The following FLT1 variants were observed in gnomAD, a reference collection of about 807,000 sequenced individuals.
FLT1 encodes fms related receptor tyrosine kinase 1.
A neutral mutation model predicts 156.3 loss-of-function variants in FLT1; 49 were observed. The ratio of observed to expected loss-of-function variants is 0.31; its 90% CI spans 0.25 to 0.40. The LOEUF is 0.40. FLT1 is among the 10% of genes least tolerant of loss of function. The probability of loss-of-function intolerance (pLI) is 1.00; values close to 1 mark genes in which losing one functional copy is unlikely to be tolerated. For synonymous variants in FLT1, 594 were observed against 583.8 expected (o/e 1.02, Z -0.25); for missense variants, 1,322 against 1,637.2 (o/e 0.81, Z 3.32).
intron 14 of FLT1, among the ~76,000 whole-genome samples, chr13:28,372,048 G>GTGTGTATA (rs1288888215): frequency 2.4e-4 from 18 of 75,568 alleles, no homozygotes; most frequent in Middle Eastern, 7.6e-3. Flanking sequence ...GTGTGTGTGT[G>GTGTGTATA]TATATATATA....
intron 3 of FLT1, among the ~76,000 whole-genome samples, chr13:28,454,387 C>T (rs1423900507): frequency 2.6e-5 from 4 of 152,098 alleles, no homozygotes; most frequent in Non-Finnish European, 4.4e-5. Context: ...ATAATAAACT[C>T]GTATATAGTG....
At chr13:28,415,730 G>A (rs1203821638) in intron 10 of FLT1, among the ~76,000 whole-genome samples, 1 of 152,134 alleles carries the variant, frequency 6.6e-6, no homozygotes, top group African/African-American at 2.4e-5. Context: ...AACAAGACTT[G>A]GGTGATTGAC....
chr13:28,387,511 T>G (rs1336450777), intron 13 of FLT1: 4 of 1,061,244 alleles, frequency 3.8e-6, no homozygotes, highest in Non-Finnish European at 4.6e-6. Flanking sequence ...TAACAGACAT[T>G]TCTGCTGGTT....
intron 13 of FLT1, 78 bp from the exon 14 acceptor site, chr13:28,385,109 T>G: frequency 6.8e-7 from 1 of 1,463,016 alleles, no homozygotes; most frequent in South Asian, 1.1e-5. Context: ...ACATTTAAAA[T>G]ATACAGAGAA....
rs1011686639 is a variant in FLT1 at position 28,439,371 on chromosome 13, T to G, written c.389-1026A>C. On this transcript the variant is annotated intron_variant, in intron 3 of 29. Transcript: ENST00000282397. This position sits in a 1 kb window ranked among gnomAD's most constrained non-coding sequence, Gnocchi z 4.1. ...AGAACCAACCAGGCCCCCACCTGCT[T>G]GCTGGTCCTGCCTCAGGTTTGTGGA... Among the ~76,000 whole-genome samples the G allele has an allele frequency of 3.9e-5, 6 of 152,172 alleles. No individual in the cohort carries two copies. Among genetic ancestry groups the G allele is most frequent in the African/African-American group, 1.4e-4 (6 of 41,446 alleles).
intron 3 of FLT1, among the ~76,000 whole-genome samples, chr13:28,450,149 C>G (rs1878853337): frequency 6.6e-6 from 1 of 152,196 alleles, no homozygotes; most frequent in African/African-American, 2.4e-5. Flanking sequence ...CACGGACAGT[C>G]CCTGGACTCC....
intron 25 of FLT1, among the ~76,000 whole-genome samples, chr13:28,313,748 T>A (rs9513071): frequency 2.6e-5 from 4 of 152,102 alleles, no homozygotes; most frequent in Non-Finnish European, 1.5e-5. Flanking sequence ...TGAGAAACCC[T>A]AGTTCATATC....
Position 28,397,060 on chromosome 13 carries a change from G to A in FLT1, c.1560C>T (p.Ser520=). 6.2e-7 allele frequency: 1 copy of A among 1,608,150 alleles called. No individual in the cohort carries two copies. Among genetic ancestry groups the A allele is most frequent in the African/African-American group, 1.3e-5 (1 of 74,912 alleles). ...AIIEGKNKMA[S]TLVVADSRIS... is the part of the protein sequence containing the mutation. ...TTCTAGAGTCAGCCACAACCAAGGTGCTAGCCATCTGCAAAAGAAAAGGAA... is the reference window on the plus strand; with the variant it reads ...TTCTAGAGTCAGCCACAACCAAGGTACTAGCCATCTGCAAAAGAAAAGGAA... The change falls in exon 12 of 30, where the codon AGC becomes AGT. Residue 520 remains serine, a synonymous_variant. Transcript: ENST00000282397.
intron 3 of FLT1, among the ~76,000 whole-genome samples, chr13:28,451,377 C>T (rs1344237020): frequency 6.6e-6 from 1 of 152,224 alleles, no homozygotes; most frequent in Non-Finnish European, 1.5e-5. Flanking sequence ...GAGCTGAGAT[C>T]GTGCCACTGC....
chr13:28,396,710 C>G, intron 12 of FLT1: 1 of 603,846 alleles, frequency 1.7e-6, no homozygotes. Context: ...ACAAGATTCC[C>G]AATTCATAAT....
chr13:28,306,851 A>C, intron 28 of FLT1, 79 bp from the exon 29 acceptor site: 1 of 902,598 alleles, frequency 1.1e-6, no homozygotes, highest in South Asian at 1.3e-5. Flanking sequence ...TGATCCTGGG[A>C]TACATCTGTT....
At position 28,410,253 on chromosome 13, in the gene FLT1, T is replaced by C. The variant is rs188167348; in HGVS notation, c.1437-4359A>G. Reference sequence around the variant, plus strand: ...CTGGTACTTTCTTTCCTTTAGAGGATAGATTGTCACATCTGGTGGAATCAG... The same window carrying C: ...CTGGTACTTTCTTTCCTTTAGAGGACAGATTGTCACATCTGGTGGAATCAG... On this transcript the variant is annotated intron_variant, in intron 10 of 29. Transcript: ENST00000282397. 8.1e-3 allele frequency among the ~76,000 whole-genome samples: 1,238 copies of C among 152,340 alleles called. 73 individuals are homozygous for C. The highest frequency in any genetic ancestry group is 0.075 in the Admixed American group (1,154 of 15,296).
chr13:28,444,964 C>T (rs991178096), intron 3 of FLT1, among the ~76,000 whole-genome samples: 2 of 152,008 alleles, frequency 1.3e-5, no homozygotes, highest in Admixed American at 6.6e-5. Flanking sequence ...CACCTTAGAA[C>T]ATTGAGTAAA....
In FLT1 at chr13:28,451,653, C is replaced by T. The variant is rs186545532; in HGVS notation, c.389-13308G>A. 4.8e-3 allele frequency among the ~76,000 whole-genome samples: 727 copies of T among 151,988 alleles called. 10 individuals carry two copies. Among genetic ancestry groups the T allele is most frequent in the African/African-American group, 0.017 (690 of 41,446 alleles). Reference sequence around the variant, plus strand: ...GGGAGCGGGTCGGGGTGGAGGAGGGCAGTTGAGGGGAGGCAGGAGTCAGGG... The same window carrying T: ...GGGAGCGGGTCGGGGTGGAGGAGGGTAGTTGAGGGGAGGCAGGAGTCAGGG... On this transcript the variant is annotated intron_variant, in intron 3 of 29. Transcript: ENST00000282397.
chr13:28,467,217 C>T (rs1200234230), intron 2 of FLT1, 88 bp from the exon 3 acceptor site: 9 of 985,016 alleles, frequency 9.1e-6, no homozygotes, highest in East Asian at 4.7e-5. Flanking sequence ...TATTAGGAAG[C>T]GGAGGTCCTC....
At position 28,430,125 on chromosome 13, in the gene FLT1, A is replaced by C. The variant is rs913747759; in HGVS notation, c.1031T>G (p.Leu344Arg). 4 of 1,613,912 alleles carry C rather than the reference A, an allele frequency of 2.5e-6. No homozygotes were observed. In the South Asian group the frequency reaches 3.3e-5, roughly 13 times the overall value. ...AGACCGCTTGCCAGCTACGGTTTCA[A>C]GCACCTGCTGTTTTCGATGTTTCAC... Reference protein sequence around the residue: ...ITVKHRKQQVLETVAGKRSYR... With the variant: ...ITVKHRKQQVRETVAGKRSYR... The change falls in exon 8 of 30, where the codon CTT (leucine) becomes CGT (arginine). Residue 344 changes from leucine to arginine, a missense_variant. This residue lies in a region of FLT1 where 991 missense variants were observed against 1,254.8 expected (regional missense o/e 0.79). Coordinates refer to ENST00000282397, the MANE Select transcript of FLT1 (RefSeq NM_002019.4).
intron 10 of FLT1, among the ~76,000 whole-genome samples, chr13:28,423,877 T>C (rs1298327803): frequency 6.6e-6 from 1 of 152,260 alleles, no homozygotes; most frequent in Non-Finnish European, 1.5e-5. Flanking sequence ...CCTTATTCAG[T>C]GTTGATAACT....
chr13:28,412,924 A>G (rs2182008), intron 10 of FLT1, among the ~76,000 whole-genome samples: 145,337 of 151,988 alleles, frequency 0.96, 69,715 homozygotes, highest in East Asian at 1. Context: ...AAGGCGTAGC[A>G]TTGGAAGGAG....
At chr13:28,394,968 C>T (rs1331720725) in intron 12 of FLT1, among the ~76,000 whole-genome samples, 2 of 152,132 alleles carry the variant, frequency 1.3e-5, no homozygotes, top group East Asian at 1.9e-4. Context: ...ATGGGGAGAG[C>T]TTAGATGTGT....
Sources: allele counts gnomAD v4.1 joint callset (sites outside exome capture counted in the v4.1 genomes callset), GRCh38; gene constraint gnomAD v4.1.1; regional missense constraint gnomAD v4.1.1; non-coding constraint Gnocchi (gnomAD v3.1); transcripts MANE v1.5; gene names NCBI Gene and HGNC (gene_info 2026-07-23, HGNC 2026-07-21).